Variants in MVB12B observed in about 807,000 individuals in gnomAD.
MVB12B encodes the protein ESCRT-I complex subunit MVB12B.
MVB12B carries 16 observed loss-of-function variants against 41.6 expected under a neutral mutation model. That is an observed-to-expected ratio of 0.38 (90% CI 0.26 to 0.58). The LOEUF is 0.58. MVB12B is among the 20% of genes least tolerant of loss of function. The probability of loss-of-function intolerance (pLI) is 0.62; values close to 1 mark genes in which losing one functional copy is unlikely to be tolerated. For synonymous variants in MVB12B, 133 were observed against 139.7 expected, an observed-to-expected ratio of 0.95 and a Z score of 0.34; for missense variants, 274 against 380.2, an observed-to-expected ratio of 0.72 and a Z score of 2.32.
In MVB12B at chr9:126,486,216, C is replaced by G. The variant is rs1403107587; in HGVS notation, c.873+2184C>G. Among the ~76,000 whole-genome samples, 1 of 152,006 alleles carries G rather than the reference C, an allele frequency of 6.6e-6. No individual in the cohort carries two copies. The highest frequency in any genetic ancestry group is 1.5e-5 in the Non-Finnish European group (1 of 68,016). The stretch of plus-strand genomic sequence containing the variant: ...TTTTGATAACTCAGGGAAAAAATGG[C>G]TGGCTGGGACATTAGAAACATAGGT... On this transcript the variant is annotated intron_variant, in intron 9 of 9. Transcript: ENST00000361171. The surrounding 1 kb of genome is among the most constrained non-coding windows in gnomAD (Gnocchi z 4.7).
At chr9:126,481,463 C>G (rs1393297730) in intron 8 of MVB12B, 39 bp downstream of exon 8, 1 of 1,498,908 alleles carries the variant, frequency 6.7e-7, no homozygotes, top group East Asian at 2.3e-5. Flanking sequence ...CTCTGCCACC[C>G]CCCAGCCTGA....
intron 7 of MVB12B, among the ~76,000 whole-genome samples, chr9:126,451,425 G>A (rs1832885979): frequency 6.6e-6 from 1 of 152,160 alleles, no homozygotes; most frequent in Admixed American, 6.5e-5. Flanking sequence ...GGACAGGTCA[G>A]GGGTACTTAG....
chr9:126,481,336 T>A, intron 7 of MVB12B, 33 bp from the exon 8 acceptor site: 1 of 1,593,954 alleles, frequency 6.3e-7, no homozygotes, highest in Non-Finnish European at 8.6e-7. Flanking sequence ...CTTCAATACC[T>A]TTAATGCCAT....
rs1321403843 is a variant in MVB12B, at chr9:126,340,264, G to A, written c.82-244G>A. ...GGTTTGAGTCAAGCTCACCTCCTGA[G>A]AGTAGAGACAAGCTCTCATCTTAGC... On this transcript the variant is annotated intron_variant, in intron 1 of 9. Transcript: ENST00000361171. The surrounding 1 kb of genome is among the most constrained non-coding windows in gnomAD (Gnocchi z 4.0). Among the ~76,000 whole-genome samples the A allele has an allele frequency of 6.6e-6, 1 of 152,118 alleles. No homozygotes were observed. Among genetic ancestry groups the A allele is most frequent in the Non-Finnish European group, 1.5e-5 (1 of 68,030 alleles).
In MVB12B at chr9:126,421,942, A is replaced by G. The variant is rs754187798; in HGVS notation, c.751A>G (p.Ile251Val). 3.1e-6 allele frequency: 5 copies of G among 1,612,842 alleles called. No homozygotes were observed. The highest frequency in any genetic ancestry group is 1.7e-5 in the Admixed American group (1 of 60,014). ...GTACCAGCACTCCAATTTGTATGCC[A>G]TATCAGGTATGTGGAGCCACCGCTG... is the stretch of plus-strand genomic sequence containing the variant. ...YEYQHSNLYAISAMDGVPFMI... is the reference protein window; with the variant it reads ...YEYQHSNLYAVSAMDGVPFMI... Residue 251 changes from isoleucine to valine, a missense_variant, in exon 7 of 10, where the codon ATA becomes GTA. By Grantham distance (29) the Ile-to-Val change is conservative. Transcript: ENST00000361171.
chr9:126,477,971 G>T (rs77027419), intron 7 of MVB12B, among the ~76,000 whole-genome samples: 1 of 152,132 alleles, frequency 6.6e-6, no homozygotes, highest in African/African-American at 2.4e-5. Context: ...TTTCAAAGAC[G>T]TGATCATCAG....
At chr9:126,425,334 A>G (rs1832144332) in intron 7 of MVB12B, among the ~76,000 whole-genome samples, 1 of 152,210 alleles carries the variant, frequency 6.6e-6, no homozygotes, top group Non-Finnish European at 1.5e-5. Context: ...AAAGGTCTGG[A>G]AAGGTCCACA....
Position 126,468,979 on chromosome 9 carries a change from C to T in MVB12B, c.758-12390C>T, listed in dbSNP as rs550115850. Among the ~76,000 whole-genome samples, 10 of 152,336 alleles carry T rather than the reference C, an allele frequency of 6.6e-5. No individual in the cohort carries two copies. The South Asian group carries it at 2.1e-3, about 32-fold the overall frequency. ...GTAAATTGCAAAACAGTTACTTATG[C>T]TGTGATGCTATTTTTATTAAAAACA... is the stretch of plus-strand genomic sequence containing the variant. On this transcript the variant is annotated intron_variant, in intron 7 of 9. Coordinates refer to ENST00000361171, the MANE Select transcript of MVB12B (RefSeq NM_033446.3). This position sits in a 1 kb window ranked among gnomAD's most constrained non-coding sequence, Gnocchi z 4.3.
chr9:126,460,689 G>A (rs970761495), intron 7 of MVB12B, among the ~76,000 whole-genome samples: 2 of 152,086 alleles, frequency 1.3e-5, no homozygotes, highest in Non-Finnish European at 2.9e-5. Context: ...GATGCTGGGG[G>A]TGGTAGCGGC....
intron 6 of MVB12B, among the ~76,000 whole-genome samples, chr9:126,412,998 T>C (rs1179349910): frequency 1.3e-5 from 2 of 152,212 alleles, no homozygotes; most frequent in Admixed American, 1.3e-4. Flanking sequence ...CTCTTATTGA[T>C]GGTCATTGGG....
intron 7 of MVB12B, among the ~76,000 whole-genome samples, chr9:126,472,887 G>A (rs1298094302): frequency 6.6e-6 from 1 of 152,178 alleles, no homozygotes; most frequent in Non-Finnish European, 1.5e-5. Flanking sequence ...AGAGCCAGCG[G>A]CACATCCTTG....
chr9:126,487,081 G>T (rs1833635653), intron 9 of MVB12B, among the ~76,000 whole-genome samples: 1 of 152,208 alleles, frequency 6.6e-6, no homozygotes, highest in African/African-American at 2.4e-5. Context: ...CCCCCAGGAG[G>T]TGCAGAGCCA....
intron 2 of MVB12B, among the ~76,000 whole-genome samples, chr9:126,356,515 T>A (rs946748229): frequency 5.9e-5 from 9 of 152,160 alleles, no homozygotes; most frequent in African/African-American, 2.2e-4. Flanking sequence ...TTGGAGTATG[T>A]ATGTAAATGT....
intron 3 of MVB12B, among the ~76,000 whole-genome samples, chr9:126,385,538 A>AGAGT (rs989916353): frequency 6.6e-6 from 1 of 152,206 alleles, no homozygotes; most frequent in African/African-American, 2.4e-5. Context: ...TGTCCAGGGC[A>AGAGT]GAGTGATGGC....
intron 1 of MVB12B, among the ~76,000 whole-genome samples, chr9:126,338,927 A>G (rs1033110849): frequency 6.6e-6 from 1 of 152,242 alleles, no homozygotes; most frequent in African/African-American, 2.4e-5. Context: ...TTTTATGCAG[A>G]TAAACCTGCC....
chr9:126,444,342 GT>G (rs1157282096), intron 7 of MVB12B, among the ~76,000 whole-genome samples: 1 of 151,618 alleles, frequency 6.6e-6, no homozygotes, highest in Non-Finnish European at 1.5e-5. Context: ...GGTTTGTTTG[GT>G]TTGGTTTTCC....
intron 7 of MVB12B, among the ~76,000 whole-genome samples, chr9:126,435,643 A>G (rs987851886): frequency 1.0e-4 from 14 of 135,918 alleles, no homozygotes; most frequent in Admixed American, 7.4e-4. Context: ...CCCTCCCAGA[A>G]CCTCTTATTT....
chr9:126,394,038 T>C (rs1445006288), intron 5 of MVB12B, among the ~76,000 whole-genome samples: 1 of 152,190 alleles, frequency 6.6e-6, no homozygotes, highest in Non-Finnish European at 1.5e-5. Context: ...CCTCGGTGGG[T>C]GTTCAGCTCT....
At chr9:126,422,006 C>A in intron 7 of MVB12B, 58 bp downstream of exon 7, 1 of 1,152,878 alleles carries the variant, frequency 8.7e-7, no homozygotes, top group African/African-American at 1.7e-5. Flanking sequence ...GCGCCACCTC[C>A]TTCCACACGT....
Sources: allele counts gnomAD v4.1 joint callset (sites outside exome capture counted in the v4.1 genomes callset), GRCh38; gene constraint gnomAD v4.1.1; non-coding constraint Gnocchi (gnomAD v3.1); transcripts MANE v1.5; gene names NCBI Gene and HGNC (gene_info 2026-07-23, HGNC 2026-07-21).